The following ABTB3 variants were observed in gnomAD, a reference collection of about 807,000 sequenced individuals.
The protein encoded by ABTB3 is ankyrin repeat- and BTB/POZ domain-containing protein 3.
At chr12:107,607,210 C>T in the ABTB3 span, among the ~76,000 whole-genome samples, 1 of 152,198 alleles carries the variant, frequency 6.6e-6, no homozygotes, top group Admixed American at 6.5e-5. Context: ...ATAAGTGTGT[C>T]CCATGAAATA....
At chr12:107,586,013 G>A in the ABTB3 span, among the ~76,000 whole-genome samples, 1 of 152,302 alleles carries the variant, frequency 6.6e-6, no homozygotes, top group African/African-American at 2.4e-5. Flanking sequence ...GTAAACAATA[G>A]CAGACAAATG....
chr12:107,561,443 C>A, the ABTB3 span, among the ~76,000 whole-genome samples: 1 of 152,110 alleles, frequency 6.6e-6, no homozygotes, highest in Admixed American at 6.5e-5. Context: ...TCCTTGATAG[C>A]CACTTAATGC....
the ABTB3 span, chr12:107,618,039 A>T: frequency 2.2e-5 from 20 of 889,406 alleles, no homozygotes; most frequent in Middle Eastern, 1.3e-3. Context: ...CCACCCATTG[A>T]TCTTGTCATC....
the ABTB3 span, among the ~76,000 whole-genome samples, chr12:107,339,430 G>T: frequency 6.6e-6 from 1 of 152,210 alleles, no homozygotes; most frequent in African/African-American, 2.4e-5. Flanking sequence ...TCTGCTAAAA[G>T]ATTTCCACTG....
At chr12:107,514,387 A>G in the ABTB3 span, among the ~76,000 whole-genome samples, 27,500 of 152,124 alleles carry the variant, frequency 0.18, 3,131 homozygotes, top group East Asian at 0.29. Flanking sequence ...AAGTAACAGA[A>G]TTTCAGGGAG....
chr12:107,562,502 C>T, the ABTB3 span, among the ~76,000 whole-genome samples: 7 of 152,108 alleles, frequency 4.6e-5, no homozygotes, highest in Admixed American at 2.0e-4. Context: ...ATGCCAGGAC[C>T]AGCAAGGAGG....
At chr12:107,363,530 T>C in the ABTB3 span, among the ~76,000 whole-genome samples, 1 of 152,224 alleles carries the variant, frequency 6.6e-6, no homozygotes, top group Non-Finnish European at 1.5e-5. Context: ...TGTTGCCCTT[T>C]AGGGTGTAAA....
At chr12:107,369,392 G>GTTTTTTTTTTTTTTTTTTTTTT in the ABTB3 span, among the ~76,000 whole-genome samples, 1 of 134,904 alleles carries the variant, frequency 7.4e-6, no homozygotes, top group African/African-American at 2.8e-5. Flanking sequence ...TCAAACAAGG[G>GTTTTTTTTTTTTTTTTTTTTTT]TTTTTTTTTT....
the ABTB3 span, among the ~76,000 whole-genome samples, chr12:107,341,377 C>T: frequency 2.0e-5 from 3 of 152,002 alleles, no homozygotes; most frequent in Non-Finnish European, 2.9e-5. Flanking sequence ...ATGCCACTGC[C>T]CCAACCCCGT....
chr12:107,469,073 G>A, the ABTB3 span, among the ~76,000 whole-genome samples: 2 of 152,194 alleles, frequency 1.3e-5, no homozygotes, highest in Non-Finnish European at 2.9e-5. Context: ...CTGGGTTAAG[G>A]GATGTGGCTA....
chr12:107,450,838 T>C, the ABTB3 span, among the ~76,000 whole-genome samples: 4 of 152,082 alleles, frequency 2.6e-5, no homozygotes, highest in Non-Finnish European at 5.9e-5. Context: ...TTGTTCTCCT[T>C]TGCGGGTCTC....
At chr12:107,462,423 T>C in the ABTB3 span, among the ~76,000 whole-genome samples, 2 of 152,292 alleles carry the variant, frequency 1.3e-5, no homozygotes, top group Non-Finnish European at 2.9e-5. Context: ...AACCCTTCTG[T>C]GGGCCACATT....
At chr12:107,516,815 C>T in the ABTB3 span, among the ~76,000 whole-genome samples, 1 of 152,160 alleles carries the variant, frequency 6.6e-6, no homozygotes, top group Non-Finnish European at 1.5e-5. Context: ...TTCTGTCTCC[C>T]CTCACCTGCT....
chr12:107,450,397 CAGAAT>C, the ABTB3 span, among the ~76,000 whole-genome samples: 1 of 152,076 alleles, frequency 6.6e-6, no homozygotes, highest in Non-Finnish European at 1.5e-5. Flanking sequence ...CGGGAGCCTT[CAGAAT>C]GAAGACTCCA....
the ABTB3 span, among the ~76,000 whole-genome samples, chr12:107,442,750 T>C: frequency 6.6e-6 from 1 of 152,122 alleles, no homozygotes; most frequent in Non-Finnish European, 1.5e-5. Flanking sequence ...AAGGGGGTTG[T>C]GGGGAGACTT....
At chr12:107,366,505 TG>T in the ABTB3 span, among the ~76,000 whole-genome samples, 1 of 152,078 alleles carries the variant, frequency 6.6e-6, no homozygotes, top group African/African-American at 2.4e-5. Flanking sequence ...GAAAAGCATA[TG>T]GAGATTGATT....
At chr12:107,319,469 C>T in the ABTB3 span, 1 of 1,604,830 alleles carries the variant, frequency 6.2e-7, no homozygotes, top group South Asian at 1.1e-5. Context: ...CCTGGCCGCG[C>T]ACTGTACGGC....
At chr12:107,547,946 T>C in the ABTB3 span, among the ~76,000 whole-genome samples, 2 of 152,330 alleles carry the variant, frequency 1.3e-5, no homozygotes, top group East Asian at 3.9e-4. Flanking sequence ...CTGTTTTCAT[T>C]GTCCTTAAAG....
At chr12:107,420,268 C>T in the ABTB3 span, among the ~76,000 whole-genome samples, 3 of 152,166 alleles carry the variant, frequency 2.0e-5, no homozygotes, top group South Asian at 2.1e-4. Flanking sequence ...CTTCTGCATT[C>T]TTGGTGTATT....
Sources: allele counts gnomAD v4.1 joint callset (sites outside exome capture counted in the v4.1 genomes callset), GRCh38; gene constraint gnomAD v4.1.1; transcripts MANE v1.5; gene names NCBI Gene and HGNC (gene_info 2026-07-23, HGNC 2026-07-21).